TMEM14B: variants seen among roughly 807,000 people sequenced by gnomAD.
The protein encoded by TMEM14B is transmembrane protein 14B.
TMEM14B carries 9 observed loss-of-function variants against 14.8 expected under a neutral mutation model. The ratio of observed to expected loss-of-function variants is 0.61; its 90% CI spans 0.37 to 1.06. The LOEUF (loss-of-function observed/expected upper bound fraction) is 1.06, where lower values mean the gene tolerates loss of function less well. Ranked by LOEUF, TMEM14B falls within the 50% of genes least tolerant of loss-of-function variation. The probability of loss-of-function intolerance (pLI) is 0.01; values close to 1 mark genes in which losing one functional copy is unlikely to be tolerated. For synonymous variants in TMEM14B, 40 were observed against 51.3 expected (o/e 0.78, Z 0.94); for missense variants, 128 against 143.6 (o/e 0.89, Z 0.56).
chr6:10,748,188 A>T (rs1291005446), intron 1 of TMEM14B, among the ~76,000 whole-genome samples: 1 of 151,964 alleles, frequency 6.6e-6, no homozygotes, highest in African/African-American at 2.4e-5. Flanking sequence ...TCGAGTTAAG[A>T]ACTGTGGGCA....
At position 10,756,463 on chromosome 6, in the gene TMEM14B, A is replaced by G. The variant is rs763146934; in HGVS notation, c.294-4A>G. The G allele has an allele frequency of 1.3e-6, 2 of 1,593,558 alleles. No individual in the cohort carries two copies. Among genetic ancestry groups the G allele is most frequent in the Non-Finnish European group, 1.7e-6 (2 of 1,163,222 alleles). On this transcript the variant is annotated splice_polypyrimidine_tract_variant and splice_region_variant and intron_variant, in intron 5 of 5. Transcript: ENST00000379542. ...ATGTTTTCTATCTTACTTGTTTTAA[A>G]CAGTTTGCTGATGGCCGCCAAAGTT...
At position 10,756,877 on chromosome 6, in the gene TMEM14B, G is replaced by C; in HGVS notation, c.*359G>C. On this transcript the variant is annotated 3_prime_UTR_variant, in exon 6 of 6. Transcript: ENST00000379542. ...GGAACAGTGTGAAAAAAAATCTCTT[G>C]AGAGATTTAGAATATCTTTTCTTTT... is the stretch of plus-strand genomic sequence containing the variant. 1.0e-6 allele frequency: 1 copy of C among 991,272 alleles called. No homozygotes were observed. Among genetic ancestry groups the C allele is most frequent in the Non-Finnish European group, 1.2e-6 (1 of 833,930 alleles). 61.4% of individuals were successfully genotyped at this position (991,272 alleles called of 1,614,324 possible).
At position 10,751,068 on chromosome 6, in the gene TMEM14B, G is replaced by A. The variant is rs1771534852; in HGVS notation, c.101-65G>A. 2.5e-6 allele frequency: 4 copies of A among 1,596,206 alleles called. No individual in the cohort carries two copies. The South Asian group carries it at 4.4e-5, about 18-fold the overall frequency. ...CTGTCCTTTGTAGGGCAGGAGGTCT[G>A]GTGGATTCCGTTAGTGAAATAAGTG... On this transcript the variant is annotated intron_variant, in intron 3 of 5. Transcript: ENST00000379542.
Position 10,755,143 on chromosome 6 carries a change from C to T in TMEM14B, c.204C>T (p.Ala68=), listed in dbSNP as rs749019673. The T allele has an allele frequency of 4.0e-5, 65 of 1,613,420 alleles. No homozygotes were observed. Among genetic ancestry groups the T allele is most frequent in the African/African-American group, 5.3e-5 (4 of 74,910 alleles). ...QDPRNVWGFL[A]ATSVTFVGVM... is the part of the protein sequence containing the mutation. ...GACCCTTCTTTGTATCTTTTTCAGC[C>T]GCTACATCTGTTACTTTTGTTGGTG... Residue 68 remains alanine, a splice_region_variant and synonymous_variant, in exon 5 of 6, where the codon GCC becomes GCT. Transcript: ENST00000379542.
chr6:10,751,022 CT>C (rs1458310557), intron 3 of TMEM14B, 110 bp from the exon 4 acceptor site: 18 of 1,287,930 alleles, frequency 1.4e-5, no homozygotes, highest in Middle Eastern at 2.6e-4. Flanking sequence ...TGGCTGTGAG[CT>C]GTGTTGAGAG....
At chr6:10,758,773 T>C (rs1406650233), downstream of TMEM14B, among the ~76,000 whole-genome samples, 1 of 152,136 alleles carries the variant, frequency 6.6e-6, no homozygotes, top group Non-Finnish European at 1.5e-5. Context: ...TGACATGAAC[T>C]CCTTTTGTGA....
intron 1 of TMEM14B, among the ~76,000 whole-genome samples, chr6:10,748,335 T>C (rs1285190850): frequency 6.6e-6 from 1 of 152,128 alleles, no homozygotes; most frequent in Non-Finnish European, 1.5e-5. Flanking sequence ...AGCCTCTGCC[T>C]CCTGGGCTCA....
chr6:10,747,761 CTT>C (rs1213945465), upstream of TMEM14B: 1 of 152,534 alleles, frequency 6.6e-6, no homozygotes, highest in African/African-American at 2.4e-5. Context: ...GACGTCCCGC[CTT>C]TCTCCCCGCC....
downstream of TMEM14B, among the ~76,000 whole-genome samples, chr6:10,757,198 T>C (rs566962425): frequency 4.1e-4 from 63 of 152,306 alleles, 2 homozygotes; most frequent in African/African-American, 1.5e-3. Context: ...GACAGGGTCT[T>C]TCTCTGTCAC....
chr6:10,750,591 G>A (rs1435979783), intron 3 of TMEM14B, among the ~76,000 whole-genome samples: 2 of 151,988 alleles, frequency 1.3e-5, no homozygotes, highest in African/African-American at 2.4e-5. Flanking sequence ...ATTATCAATC[G>A]GACGAATTCC....
intron 3 of TMEM14B, 113 bp from the exon 4 acceptor site, chr6:10,751,020 A>C: frequency 7.9e-7 from 1 of 1,262,352 alleles, no homozygotes; most frequent in Admixed American, 2.1e-5. Context: ...CTTGGCTGTG[A>C]GCTGTGTTGA....
At chr6:10,755,451 G>A (rs1219248295) in intron 5 of TMEM14B, 3 of 1,452,222 alleles carry the variant, frequency 2.1e-6, no homozygotes, top group Non-Finnish European at 2.7e-6. Flanking sequence ...TTTGTTCTCT[G>A]GTCCTAGCTC....
rs886280416 is a variant in TMEM14B, at chr6:10,749,611, T to G, written c.24-11T>G. On this transcript the variant is annotated splice_polypyrimidine_tract_variant and intron_variant, in intron 2 of 5. Coordinates refer to ENST00000379542, the MANE Select transcript of TMEM14B (RefSeq NM_030969.5). ...GCACTGACTTCTCACTGACTTCTCTTGTGTTTTCAGAGTGCCTTTGCATTG... is the reference window on the plus strand; with the variant it reads ...GCACTGACTTCTCACTGACTTCTCTGGTGTTTTCAGAGTGCCTTTGCATTG... 14 of 1,614,124 alleles carry G rather than the reference T, an allele frequency of 8.7e-6. No individual in the cohort carries two copies. The highest frequency in any genetic ancestry group is 8.3e-5 in the Admixed American group (5 of 60,014).
intron 4 of TMEM14B, among the ~76,000 whole-genome samples, chr6:10,753,826 T>TAGGAGTCAA (rs1771691166): frequency 6.6e-6 from 1 of 151,048 alleles, no homozygotes; most frequent in African/African-American, 2.5e-5. Flanking sequence ...TCCTGAGTTG[T>TAGGAGTCAA]CCTCTTTTTC....
rs568883876 is a variant in TMEM14B at position 10,755,213 on chromosome 6, G to C, written c.274G>C (p.Gly92Arg). Residue 92 changes from glycine (G) to arginine (R), a missense_variant, in exon 5 of 6, where the codon GGT becomes CGT. By Grantham distance (125) the Gly-to-Arg change is moderately radical. Transcript: ENST00000379542. ...CTACTATGGAAAATTCATGCCTGTA[G>C]GTTTAATTGCAGGTGCCAGGTACTT... ...SYYYGKFMPV[G>R]LIAGASLLMA... 3 of 1,614,074 alleles carry C rather than the reference G, an allele frequency of 1.9e-6. No individual in the cohort carries two copies. Among genetic ancestry groups the C allele is most frequent in the Non-Finnish European group, 2.5e-6 (3 of 1,180,036 alleles).
chr6:10,751,247 C>T lies in TMEM14B; in HGVS notation c.202+13C>T. 1 of 1,613,358 alleles carries T rather than the reference C, an allele frequency of 6.2e-7. No individual in the cohort carries two copies. Among genetic ancestry groups the T allele is most frequent in the Non-Finnish European group, 8.5e-7 (1 of 1,179,660 alleles). On this transcript the variant is annotated intron_variant, in intron 4 of 5. Coordinates refer to ENST00000379542, the MANE Select transcript of TMEM14B (RefSeq NM_030969.5). ...TGGGGTTTCCTAGGTATGTCTGCTT[C>T]AGCGTCTCCTTAGGGCAATCATGTA...
chr6:10,749,493 G>C (rs1349735439), intron 2 of TMEM14B, 129 bp from the exon 3 acceptor site: 1 of 1,191,840 alleles, frequency 8.4e-7, no homozygotes, highest in Admixed American at 1.8e-5. Context: ...CTTATTTTCA[G>C]TGATAGTACC....
chr6:10,759,003 C>T (rs145981559), downstream of TMEM14B: 1 of 200,516 alleles, frequency 5.0e-6, no homozygotes, highest in South Asian at 5.7e-5. Flanking sequence ...ATTGCAACCT[C>T]CACCTCCCAG....
chr6:10,759,446 C>T (rs1203994012), downstream of TMEM14B: 2 of 152,100 alleles, frequency 1.3e-5, no homozygotes, highest in African/African-American at 4.8e-5. Context: ...TCCCCGTGAA[C>T]ATGTGCAAAG....
Sources: gnomAD v4.1 joint callset for allele counts (sites outside exome capture counted in the v4.1 genomes callset) on GRCh38, gnomAD v4.1.1 for gene constraint, MANE v1.5 for transcripts, NCBI Gene and HGNC (gene_info 2026-07-23, HGNC 2026-07-21) for gene names.